RIMS4: variants seen among roughly 807,000 people sequenced by gnomAD.
RIMS4 encodes the protein regulating synaptic membrane exocytosis 4, also known as regulating synaptic membrane exocytosis protein 4.
RIMS4 carries 9 observed loss-of-function variants against 29.0 expected under a neutral mutation model. The observed-to-expected ratio is 0.31, with a 90% confidence interval of 0.19 to 0.54. RIMS4 has a LOEUF of 0.54. RIMS4 is among the 20% of genes least tolerant of loss of function. The pLI is 0.94. For synonymous variants in RIMS4, 130 were observed against 152.9 expected (o/e 0.85, Z 1.10); for missense variants, 193 against 365.7 (o/e 0.53, Z 3.85).
intron 1 of RIMS4, among the ~76,000 whole-genome samples, chr20:44,807,394 T>C (rs1398547638): frequency 6.6e-6 from 1 of 152,158 alleles, no homozygotes; most frequent in Non-Finnish European, 1.5e-5. Flanking sequence ...CTCAGGAAAC[T>C]AGCAAAAGGA....
chr20:44,785,944 C>A lies in RIMS4; in HGVS notation c.98-14531G>T, dbSNP rs903905660. Among the ~76,000 whole-genome samples, 12 of 152,086 alleles carry A rather than the reference C, an allele frequency of 7.9e-5. 1 individual carries two copies. The highest frequency in any genetic ancestry group is 6.5e-4 in the Admixed American group (10 of 15,274). On this transcript the variant is annotated intron_variant, in intron 1 of 5. Coordinates refer to ENST00000372851, the MANE Select transcript of RIMS4 (RefSeq NM_182970.4). ...GATCCCAGGCCTGGAGGGTGATGGGCTTCCTGCCAGATGTCCGCCTACCCC... is the reference window on the plus strand; with the variant it reads ...GATCCCAGGCCTGGAGGGTGATGGGATTCCTGCCAGATGTCCGCCTACCCC...
chr20:44,765,221 A>T (rs1302840715), intron 2 of RIMS4, among the ~76,000 whole-genome samples: 1 of 152,166 alleles, frequency 6.6e-6, no homozygotes, highest in Non-Finnish European at 1.5e-5. Context: ...GCACTGCGTT[A>T]TACTGTCTCT....
At chr20:44,764,191 TATCC>T (rs145964299) in intron 2 of RIMS4, among the ~76,000 whole-genome samples, 1 of 10,516 alleles carries the variant, frequency 9.5e-5, no homozygotes, top group African/African-American at 3.3e-4. Flanking sequence ...TCCATCCATT[TATCC>T]ATCCATCCAT....
rs188068185 is a variant in RIMS4 at position 44,756,556 on chromosome 20, C to T, written c.592-204G>A. Among the ~76,000 whole-genome samples the T allele has an allele frequency of 2.5e-3, 379 of 152,300 alleles. 1 individual carries two copies. Among genetic ancestry groups the T allele is most frequent in the Non-Finnish European group, 2.7e-3 (182 of 68,030 alleles). ...CAGAGGCTGTTGATGGTAATGGTGACGGTGACGATGGTAATGGGTAGAACA... is the reference window on the plus strand; with the variant it reads ...CAGAGGCTGTTGATGGTAATGGTGATGGTGACGATGGTAATGGGTAGAACA... On this transcript the variant is annotated intron_variant, in intron 5 of 5. Transcript: ENST00000372851. This position sits in a 1 kb window ranked among gnomAD's most constrained non-coding sequence, Gnocchi z 5.9.
At chr20:44,764,260 A>ATCCATCCATCCATTTATC (rs1555859479) in intron 2 of RIMS4, among the ~76,000 whole-genome samples, 6 of 151,780 alleles carry the variant, frequency 4.0e-5, no homozygotes, top group Admixed American at 1.3e-4. Context: ...CCATCCTCCC[A>ATCCATCCATCCATTTATC]CAAACTCACC....
chr20:44,791,511 T>C (rs984709249), intron 1 of RIMS4, among the ~76,000 whole-genome samples: 3 of 152,238 alleles, frequency 2.0e-5, no homozygotes, highest in African/African-American at 7.2e-5. Flanking sequence ...GCATCTGGAA[T>C]GTGGCATGTG....
At chr20:44,757,937 G>C in intron 3 of RIMS4, 135 bp downstream of exon 3, 1 of 927,822 alleles carries the variant, frequency 1.1e-6, no homozygotes, top group Middle Eastern at 2.3e-4. Flanking sequence ...GAGGGCTTGA[G>C]AGTGTGCCCT....
chr20:44,799,293 A>G (rs949173308), intron 1 of RIMS4, among the ~76,000 whole-genome samples: 2 of 150,204 alleles, frequency 1.3e-5, no homozygotes, highest in Non-Finnish European at 3.0e-5. Flanking sequence ...ACAGAGCAAG[A>G]CTCCATCTCA....
intron 1 of RIMS4, among the ~76,000 whole-genome samples, chr20:44,776,657 G>A (rs1005877242): frequency 2.0e-5 from 3 of 152,158 alleles, no homozygotes; most frequent in African/African-American, 4.8e-5. Flanking sequence ...TAACAAGCAA[G>A]CAACGTAAAA....
intron 2 of RIMS4, among the ~76,000 whole-genome samples, chr20:44,758,700 T>C (rs2066071467): frequency 6.6e-6 from 1 of 152,188 alleles, no homozygotes; most frequent in Non-Finnish European, 1.5e-5. Context: ...AATCAGGGCA[T>C]CCCTTCCCCT....
chr20:44,791,663 G>T (rs904073097), intron 1 of RIMS4, among the ~76,000 whole-genome samples: 1 of 152,198 alleles, frequency 6.6e-6, no homozygotes, highest in African/African-American at 2.4e-5. Context: ...CTGGATCATG[G>T]CTGGCTGAGG....
chr20:44,805,141 G>GA lies in RIMS4; in HGVS notation c.97+5033dup, dbSNP rs76997710. ...TAGTGAAACCCCATCTCTACAAAAAGAAAAAAAAAAGAAAATTAGCCAGGG... is the reference window on the plus strand; with the variant it reads ...TAGTGAAACCCCATCTCTACAAAAAGAAAAAAAAAAAGAAAATTAGCCAGGG... On this transcript the variant is annotated intron_variant, in intron 1 of 5. Transcript: ENST00000372851. Among the ~76,000 whole-genome samples, 289 of 146,160 alleles carry GA rather than the reference G, an allele frequency of 2.0e-3. 3 individuals carry two copies. In the South Asian group the frequency reaches 0.023, roughly 12 times the overall value.
At chr20:44,763,944 A>G (rs1046253909) in intron 2 of RIMS4, among the ~76,000 whole-genome samples, 1 of 151,866 alleles carries the variant, frequency 6.6e-6, no homozygotes, top group Non-Finnish European at 1.5e-5. Flanking sequence ...CTACATGCTC[A>G]CCTATCCATC....
chr20:44,809,064 T>TAA (rs2066311437), intron 1 of RIMS4, among the ~76,000 whole-genome samples: 1 of 152,044 alleles, frequency 6.6e-6, no homozygotes, highest in Non-Finnish European at 1.5e-5. Flanking sequence ...ATTTTCACCT[T>TAA]ATAAAACACT....
At chr20:44,788,222 T>A (rs1018928664) in intron 1 of RIMS4, among the ~76,000 whole-genome samples, 1 of 152,198 alleles carries the variant, frequency 6.6e-6, no homozygotes, top group Non-Finnish European at 1.5e-5. Flanking sequence ...ATTAGCCACA[T>A]GTGAACACTT....
chr20:44,755,912 A>C lies in RIMS4; in HGVS notation c.*222T>G. 1 of 532,726 alleles carries C rather than the reference A, an allele frequency of 1.9e-6. No homozygotes were observed. Among genetic ancestry groups the C allele is most frequent in the South Asian group, 3.0e-5 (1 of 33,770 alleles). 33.0% of individuals were successfully genotyped at this position (532,726 alleles called of 1,614,324 possible). A position where few individuals can be genotyped will look rare whatever the true frequency, so the allele number is the denominator to read the frequency against. On this transcript the variant is annotated 3_prime_UTR_variant, in exon 6 of 6. Transcript: ENST00000372851. ...CATCCACCAGGTCAAGAACCGGCCA[A>C]GTCAAAAGTGTAGCCAATCCCGTTG...
chr20:44,799,578 A>G (rs1455456734), intron 1 of RIMS4, among the ~76,000 whole-genome samples: 2 of 152,172 alleles, frequency 1.3e-5, no homozygotes, highest in Non-Finnish European at 2.9e-5. Flanking sequence ...TCATTAGAGG[A>G]CCCAATTAGT....
At chr20:44,784,355 A>G (rs1330230369) in intron 1 of RIMS4, among the ~76,000 whole-genome samples, 1 of 152,200 alleles carries the variant, frequency 6.6e-6, no homozygotes, top group Non-Finnish European at 1.5e-5. Context: ...CACCTTCCTC[A>G]ATCAACAGAT....
At chr20:44,793,514 A>G (rs2066241904) in intron 1 of RIMS4, among the ~76,000 whole-genome samples, 1 of 152,116 alleles carries the variant, frequency 6.6e-6, no homozygotes, top group African/African-American at 2.4e-5. Context: ...CAGCACCTTC[A>G]GGGCCACCCT....
Sources: allele counts gnomAD v4.1 joint callset (sites outside exome capture counted in the v4.1 genomes callset), GRCh38; gene constraint gnomAD v4.1.1; non-coding constraint Gnocchi (gnomAD v3.1); transcripts MANE v1.5; gene names NCBI Gene and HGNC (gene_info 2026-07-23, HGNC 2026-07-21).